The following SNTG1 variants were observed in gnomAD, a reference collection of about 807,000 sequenced individuals.
SNTG1 encodes the protein gamma-1-syntrophin.
In SNTG1, 39 loss-of-function variants were observed where a neutral mutation model predicts 74.7. That is an observed-to-expected ratio of 0.52 (90% confidence interval 0.40 to 0.68). The LOEUF is 0.68. Ranked by LOEUF, SNTG1 falls within the 30% of genes least tolerant of loss-of-function variation. The probability of loss-of-function intolerance (pLI) is 0.00; values close to 1 mark genes in which losing one functional copy is unlikely to be tolerated. For missense variants in SNTG1, 685 were observed against 609.5 expected, an observed-to-expected ratio of 1.12 and a Z score of -1.30; for synonymous variants, 254 against 217.1, an observed-to-expected ratio of 1.17 and a Z score of -1.49.
Position 50,222,756 on chromosome 8 carries a change from C to T in SNTG1, c.-28+50121C>T, listed in dbSNP as rs959294310. ...CTCAGCGGGGATTGCTTCTCAGCCT[C>T]ACAGCATCTCCAGCACCAAAATTAA... On this transcript the variant is annotated intron_variant, in intron 2 of 18. Coordinates refer to ENST00000642720, the MANE Select transcript of SNTG1 (RefSeq NM_018967.5). 2.0e-5 allele frequency among the ~76,000 whole-genome samples: 3 copies of T among 152,108 alleles called. No individual in the cohort carries two copies. The South Asian group carries it at 6.2e-4, about 32-fold the overall frequency.
In SNTG1 at chr8:50,009,135, A is replaced by G. The variant is rs193132006; in HGVS notation, c.-103+96904A>G. Among the ~76,000 whole-genome samples the G allele has an allele frequency of 3.3e-5, 5 of 152,196 alleles. No homozygotes were observed. The East Asian group carries it at 9.6e-4, about 29-fold the overall frequency. On this transcript the variant is annotated intron_variant, in intron 1 of 18. Coordinates refer to ENST00000642720, the MANE Select transcript of SNTG1 (RefSeq NM_018967.5). ...ATTTCAGACTTTGCTAAAGTACCAGATTGTCATTTCTGGAGTCCTCTGCAT... is the reference window on the plus strand; with the variant it reads ...ATTTCAGACTTTGCTAAAGTACCAGGTTGTCATTTCTGGAGTCCTCTGCAT...
intron 1 of SNTG1, among the ~76,000 whole-genome samples, chr8:49,969,761 A>T (rs1039366813): frequency 1.3e-5 from 2 of 152,100 alleles, no homozygotes; most frequent in South Asian, 4.1e-4. Context: ...CAGGTTAAAG[A>T]AGAGAGATAC....
chr8:50,202,020 G>A (rs900059754), intron 2 of SNTG1, among the ~76,000 whole-genome samples: 3 of 152,142 alleles, frequency 2.0e-5, no homozygotes, highest in Non-Finnish European at 2.9e-5. Context: ...ATACAGCACC[G>A]TTCTTATGTG....
At chr8:50,530,343 CAGAT>C in intron 10 of SNTG1, 84 bp downstream of exon 10, 5 of 1,256,888 alleles carry the variant, frequency 4.0e-6, no homozygotes, top group South Asian at 1.3e-5. Context: ...ATTTATCTGA[CAGAT>C]AGGAAATCCC....
chr8:50,509,826 T>A (rs183292183), intron 9 of SNTG1, among the ~76,000 whole-genome samples: 45 of 152,274 alleles, frequency 3.0e-4, no homozygotes, highest in Non-Finnish European at 4.9e-4. Context: ...GCTGAGATGA[T>A]GGGGTTTTCT....
intron 1 of SNTG1, among the ~76,000 whole-genome samples, chr8:50,110,351 C>T (rs950603881): frequency 1.3e-5 from 2 of 152,146 alleles, no homozygotes; most frequent in African/African-American, 2.4e-5. Flanking sequence ...CCCTTCTGCT[C>T]ATGTCTGGCT....
In SNTG1 at chr8:50,530,049, A is replaced by C. The variant is rs1424085279; in HGVS notation, c.467-128A>C. ...AAACTCTGGCTTTAGTATAACTGAGATAAAATTGTATTGTAATATCTGATT... is the reference window on the plus strand; with the variant it reads ...AAACTCTGGCTTTAGTATAACTGAGCTAAAATTGTATTGTAATATCTGATT... On this transcript the variant is annotated intron_variant, in intron 9 of 18. Transcript: ENST00000642720. The C allele has an allele frequency of 1.0e-5, 8 of 765,910 alleles. 1 individual carries two copies. In the South Asian group the frequency reaches 1.4e-4, roughly 14 times the overall value. The allele number at this position is 765,910 out of a possible 1,614,324, so 47.4% of individuals were successfully genotyped here.
At chr8:50,573,964 T>C (rs1365976171) in intron 12 of SNTG1, among the ~76,000 whole-genome samples, 1 of 152,038 alleles carries the variant, frequency 6.6e-6, no homozygotes, top group Non-Finnish European at 1.5e-5. Context: ...TGGTGAAAGT[T>C]CTTAATAAAA....
At chr8:49,938,544 C>CTTCTTTCTTTTCTTTTCTTTTCTT (rs71550209) in intron 1 of SNTG1, among the ~76,000 whole-genome samples, 1 of 105,086 alleles carries the variant, frequency 9.5e-6, no homozygotes, top group African/African-American at 3.9e-5. Context: ...CTTACCATGC[C>CTTCTTTCTTTTCTTTTCTTTTCTT]TTCTTTTCTT....
At chr8:50,656,333 T>C (rs1169048587) in intron 13 of SNTG1, among the ~76,000 whole-genome samples, 3 of 152,078 alleles carry the variant, frequency 2.0e-5, no homozygotes, top group Non-Finnish European at 4.4e-5. Context: ...GGCTAAAGAG[T>C]TGATTTCAAT....
At chr8:50,645,903 G>T (rs1057259833) in intron 13 of SNTG1, among the ~76,000 whole-genome samples, 1 of 152,112 alleles carries the variant, frequency 6.6e-6, no homozygotes, top group Non-Finnish European at 1.5e-5. Flanking sequence ...GGGGGAAAGT[G>T]TCTCGGAGGG....
At chr8:50,752,385 C>T (rs2095569768) in intron 18 of SNTG1, among the ~76,000 whole-genome samples, 1 of 151,888 alleles carries the variant, frequency 6.6e-6, no homozygotes, top group Non-Finnish European at 1.5e-5. Flanking sequence ...AAAATAACAT[C>T]CTGGGAACTA....
intron 1 of SNTG1, among the ~76,000 whole-genome samples, chr8:50,137,657 T>C (rs888230445): frequency 1.3e-5 from 2 of 152,142 alleles, no homozygotes; most frequent in African/African-American, 4.8e-5. Flanking sequence ...GAGGCTTCCA[T>C]TCTAAGGTCA....
chr8:50,657,053 C>T (rs769461300), intron 14 of SNTG1, 28 bp downstream of exon 14: 11 of 1,334,950 alleles, frequency 8.2e-6, no homozygotes, highest in East Asian at 2.6e-5. Context: ...ATGTATTGGT[C>T]GTTTCCATAT....
chr8:50,672,377 C>G (rs1190410450), intron 15 of SNTG1, among the ~76,000 whole-genome samples: 1 of 152,068 alleles, frequency 6.6e-6, no homozygotes, highest in Non-Finnish European at 1.5e-5. Flanking sequence ...AATCACCATT[C>G]TAACTAGCAT....
At chr8:50,769,942 T>C (rs769121526) in intron 18 of SNTG1, among the ~76,000 whole-genome samples, 6 of 152,130 alleles carry the variant, frequency 3.9e-5, no homozygotes, top group Admixed American at 6.6e-5. Context: ...TAAGTTTCTA[T>C]TTTTATTTGC....
At chr8:50,454,829 T>TAAAAAAAAAAAAAAA (rs1158732952) in intron 8 of SNTG1, among the ~76,000 whole-genome samples, 1 of 95,144 alleles carries the variant, frequency 1.1e-5, no homozygotes, top group African/African-American at 4.4e-5. Context: ...CAGACAGAGC[T>TAAAAAAAAAAAAAAA]AAAAAAAAAA....
At chr8:50,170,032 C>T (rs895320418) in intron 1 of SNTG1, among the ~76,000 whole-genome samples, 1 of 152,134 alleles carries the variant, frequency 6.6e-6, no homozygotes, top group Non-Finnish European at 1.5e-5. Context: ...CTCATCTAGC[C>T]ATTGAACTTC....
chr8:50,753,987 A>G (rs1021074013), intron 18 of SNTG1, among the ~76,000 whole-genome samples: 1 of 151,992 alleles, frequency 6.6e-6, no homozygotes, highest in Non-Finnish European at 1.5e-5. Context: ...CCAGCCCTAC[A>G]GAATTGTTTA....
Sources: allele counts gnomAD v4.1 joint callset (sites outside exome capture counted in the v4.1 genomes callset), GRCh38; gene constraint gnomAD v4.1.1; transcripts MANE v1.5; gene names NCBI Gene and HGNC (gene_info 2026-07-23, HGNC 2026-07-21).